Variants in BRINP3 observed in about 807,000 individuals in gnomAD.
BRINP3 encodes the protein BMP/retinoic acid inducible neural specific 3.
In BRINP3, 19 loss-of-function variants were observed where a neutral mutation model predicts 71.0. The ratio of observed to expected loss-of-function variants is 0.27; its 90% confidence interval spans 0.19 to 0.39. BRINP3 has a LOEUF of 0.39. BRINP3 is among the 10% of genes least tolerant of loss of function. The pLI, the probability that BRINP3 is intolerant of heterozygous loss-of-function variation, is 1.00. For synonymous variants in BRINP3, 380 were observed against 337.7 expected (o/e 1.13, Z -1.37); for missense variants, 959 against 940.8 (o/e 1.02, Z -0.25).
At chr1:190,307,413 C>A (rs1402310939) in intron 2 of BRINP3, among the ~76,000 whole-genome samples, 1 of 151,240 alleles carries the variant, frequency 6.6e-6, no homozygotes, top group Admixed American at 6.6e-5. Context: ...GAATTACAGG[C>A]TTGCACCACC....
At chr1:190,422,112 T>G (rs914624709) in intron 2 of BRINP3, among the ~76,000 whole-genome samples, 17 of 151,682 alleles carry the variant, frequency 1.1e-4, no homozygotes, top group Non-Finnish European at 1.8e-4. Flanking sequence ...TCTTTAACAT[T>G]TTTTTTACAT....
At chr1:190,123,837 TTTAA>T (rs1178015717) in intron 7 of BRINP3, among the ~76,000 whole-genome samples, 1 of 152,240 alleles carries the variant, frequency 6.6e-6, no homozygotes, top group African/African-American at 2.4e-5. Context: ...AGCGCTCTCT[TTTAA>T]TTGTTAGCTA....
At chr1:190,231,965 A>C (rs887280255) in intron 5 of BRINP3, among the ~76,000 whole-genome samples, 2 of 151,962 alleles carry the variant, frequency 1.3e-5, no homozygotes, top group Admixed American at 6.6e-5. Context: ...GGAGAGTTTC[A>C]GAAGTTCTTT....
chr1:190,372,960 G>A (rs1354469737), intron 2 of BRINP3, among the ~76,000 whole-genome samples: 1 of 151,968 alleles, frequency 6.6e-6, no homozygotes, highest in Non-Finnish European at 1.5e-5. Flanking sequence ...TTGACTAACA[G>A]GGGTATATTC....
intron 3 of BRINP3, among the ~76,000 whole-genome samples, chr1:190,267,216 C>G (rs1661734569): frequency 6.6e-6 from 1 of 151,972 alleles, no homozygotes; most frequent in African/African-American, 2.4e-5. Flanking sequence ...CAATAATACA[C>G]AGAACATTTA....
intron 7 of BRINP3, among the ~76,000 whole-genome samples, chr1:190,142,970 A>G (rs565826857): frequency 2.8e-4 from 43 of 152,266 alleles, no homozygotes; most frequent in Middle Eastern, 6.8e-3. Flanking sequence ...CAGATATTAG[A>G]ATTTTGGCTT....
At chr1:190,360,363 T>G (rs559600991) in intron 2 of BRINP3, among the ~76,000 whole-genome samples, 5 of 152,296 alleles carry the variant, frequency 3.3e-5, no homozygotes, top group African/African-American at 1.2e-4. Flanking sequence ...AGCAGGACTA[T>G]CTCAACAAAT....
At chr1:190,246,159 A>T (rs1293738946) in intron 4 of BRINP3, among the ~76,000 whole-genome samples, 2 of 152,050 alleles carry the variant, frequency 1.3e-5, no homozygotes, top group South Asian at 2.1e-4. Context: ...AAAACATTTT[A>T]AAAATAATTT....
chr1:190,187,662 T>G (rs1653651787), intron 6 of BRINP3, among the ~76,000 whole-genome samples: 1 of 152,158 alleles, frequency 6.6e-6, no homozygotes, highest in Admixed American at 6.5e-5. Context: ...GTTCCTGGCA[T>G]CTTTGCCAAA....
chr1:190,223,468 A>G (rs1657064313), intron 6 of BRINP3, among the ~76,000 whole-genome samples: 1 of 152,038 alleles, frequency 6.6e-6, no homozygotes, highest in Non-Finnish European at 1.5e-5. Flanking sequence ...ACAACAGTTC[A>G]TGATAAAAAC....
At chr1:190,300,702 C>G (rs533632484) in intron 2 of BRINP3, among the ~76,000 whole-genome samples, 11 of 152,194 alleles carry the variant, frequency 7.2e-5, no homozygotes, top group East Asian at 3.9e-4. Flanking sequence ...TCCAACAGAC[C>G]TGCAGCTGAG....
At chr1:190,317,417 C>T (rs1665962030) in intron 2 of BRINP3, among the ~76,000 whole-genome samples, 2 of 152,028 alleles carry the variant, frequency 1.3e-5, no homozygotes, top group Admixed American at 1.3e-4. Flanking sequence ...GGAGAAAGTT[C>T]TTCAAATTTT....
At chr1:190,118,236 A>C (rs929796803) in intron 7 of BRINP3, among the ~76,000 whole-genome samples, 1 of 152,134 alleles carries the variant, frequency 6.6e-6, no homozygotes, top group African/African-American at 2.4e-5. Flanking sequence ...TAGAGGTAAG[A>C]AAATATGGTA....
intron 2 of BRINP3, among the ~76,000 whole-genome samples, chr1:190,445,429 AT>A (rs1417858956): frequency 2.0e-5 from 3 of 152,230 alleles, no homozygotes; most frequent in African/African-American, 7.2e-5. Context: ...TTATTTTTAT[AT>A]AAAAGCAGAA....
At chr1:190,210,747 G>A (rs1448874677) in intron 6 of BRINP3, among the ~76,000 whole-genome samples, 2 of 152,052 alleles carry the variant, frequency 1.3e-5, no homozygotes, top group Admixed American at 6.6e-5. Flanking sequence ...TATTGTTCCT[G>A]GGTATGTCTG....
intron 3 of BRINP3, among the ~76,000 whole-genome samples, chr1:190,277,410 A>T (rs1304417394): frequency 6.6e-6 from 1 of 151,268 alleles, no homozygotes; most frequent in East Asian, 2.0e-4. Context: ...GGCTACTATG[A>T]CTGGTTGGAT....
chr1:190,444,349 T>A (rs1201056991), intron 2 of BRINP3, among the ~76,000 whole-genome samples: 5 of 150,158 alleles, frequency 3.3e-5, no homozygotes, highest in Non-Finnish European at 7.4e-5. Flanking sequence ...GTACAAAGGC[T>A]GTTTCCCAAG....
chr1:190,143,065 C>T (rs183943480), intron 7 of BRINP3, among the ~76,000 whole-genome samples: 1 of 152,094 alleles, frequency 6.6e-6, no homozygotes, highest in Admixed American at 6.6e-5. Context: ...AGATGATTTG[C>T]AAGAAGTTTT....
Position 190,281,439 on chromosome 1 carries a change from G to A in BRINP3, c.427+121C>T, listed in dbSNP as rs531960486. 111 of 924,182 alleles carry A rather than the reference G, an allele frequency of 1.2e-4. 1 individual carries two copies. The South Asian group carries it at 2.0e-3, about 16-fold the overall frequency. The allele number at this position is 924,182 out of a possible 1,614,324, so 57.2% of individuals were successfully genotyped here. The stretch of plus-strand genomic sequence containing the variant: ...ATCACTCAAAATGTGTTGGGTAAAT[G>A]AATGAATGAGTTCTATAACTATTCA... On this transcript the variant is annotated intron_variant, in intron 3 of 7. Transcript: ENST00000367462.
Sources: allele counts gnomAD v4.1 joint callset (sites outside exome capture counted in the v4.1 genomes callset), GRCh38; gene constraint gnomAD v4.1.1; transcripts MANE v1.5; gene names NCBI Gene and HGNC (gene_info 2026-07-23, HGNC 2026-07-21).